Variants in GALC observed in about 807,000 individuals in gnomAD.
GALC encodes the protein galactocerebrosidase.
A neutral mutation model predicts 91.8 loss-of-function variants in GALC; 77 were observed. That is an observed-to-expected ratio of 0.84 (90% CI 0.70 to 1.01). The LOEUF is 1.01. Ranked by LOEUF, GALC falls within the 50% of genes least tolerant of loss-of-function variation. GALC has a pLI of 0.00. For synonymous variants in GALC, 357 were observed against 306.7 expected (o/e 1.16, Z -1.71); for missense variants, 882 against 855.9 (o/e 1.03, Z -0.38).
At chr14:87,947,631 G>T in intron 13 of GALC, 97 bp downstream of exon 13, 1 of 1,191,028 alleles carries the variant, frequency 8.4e-7, no homozygotes, top group South Asian at 1.2e-5. Flanking sequence ...ATGTGCTTTT[G>T]ACAGCCACTC....
intron 9 of GALC, among the ~76,000 whole-genome samples, chr14:87,964,594 T>C (rs1645193396): frequency 6.6e-6 from 1 of 152,172 alleles, no homozygotes; most frequent in African/African-American, 2.4e-5. Context: ...CATCCCTGCA[T>C]AATCTCAATT....
At chr14:87,955,278 T>C (rs1028800232) in intron 10 of GALC, 1 of 717,224 alleles carries the variant, frequency 1.4e-6, no homozygotes, top group Non-Finnish European at 2.5e-6. Context: ...AAATAAACGA[T>C]AGGGTTTTTG....
intron 12 of GALC, among the ~76,000 whole-genome samples, chr14:87,949,557 A>G (rs1000294367): frequency 2.6e-5 from 4 of 151,984 alleles, no homozygotes; most frequent in African/African-American, 9.7e-5. Flanking sequence ...GAGAATAAGG[A>G]GTGAGTAAGA....
In GALC at chr14:87,956,685, A is replaced by C. The variant is rs559711597; in HGVS notation, c.1162-5937T>G. Reference sequence around the variant, plus strand: ...CATCAGTTGATGGGCACTTAGGTTGATTCCATATGTTTCAATTGTGAATTG... The same window carrying C: ...CATCAGTTGATGGGCACTTAGGTTGCTTCCATATGTTTCAATTGTGAATTG... On this transcript the variant is annotated intron_variant, in intron 10 of 16. Transcript: ENST00000261304. Among the ~76,000 whole-genome samples, 19 of 151,696 alleles carry C rather than the reference A, an allele frequency of 1.3e-4. No individual in the cohort carries two copies. In the South Asian group the frequency reaches 3.7e-3, roughly 30 times the overall value.
chr14:87,970,166 A>T (rs1886226657), intron 7 of GALC, among the ~76,000 whole-genome samples: 1 of 152,148 alleles, frequency 6.6e-6, no homozygotes, highest in Non-Finnish European at 1.5e-5. Flanking sequence ...CAGCTTTGGT[A>T]CCTCAGCCAA....
At chr14:87,989,534 T>A (rs927674365) in intron 1 of GALC, 1 of 152,244 alleles carries the variant, frequency 6.6e-6, no homozygotes, top group African/African-American at 2.4e-5. Flanking sequence ...ACTTGCTGTC[T>A]CAGTAACCAA....
In GALC at chr14:87,992,377, C is replaced by T. The variant is rs1368637321; in HGVS notation, c.195+593G>A. ...TAGTTTCAGGCCGCTCGCTTATCTT[C>T]CTTTTAAAGAGACCTTGAGGCACCA... is the stretch of plus-strand genomic sequence containing the variant. On this transcript the variant is annotated intron_variant, in intron 1 of 16. Transcript: ENST00000261304. The T allele has an allele frequency of 2.6e-6, 4 of 1,535,600 alleles. No individual in the cohort carries two copies. The East Asian group carries it at 9.8e-5, about 38-fold the overall frequency.
At chr14:87,992,210 C>T in intron 1 of GALC, 1 of 1,363,722 alleles carries the variant, frequency 7.3e-7, no homozygotes, top group Non-Finnish European at 1.0e-6. Context: ...TCCAACTCAA[C>T]CCCAAAAATC....
Position 87,951,328 on chromosome 14 carries a change from C to T in GALC, c.1162-580G>A, listed in dbSNP as rs76504061. On this transcript the variant is annotated intron_variant, in intron 10 of 16. Coordinates refer to ENST00000261304, the MANE Select transcript of GALC (RefSeq NM_000153.4). ...ATAATCCCTACTTTAAGAGATTCCA[C>T]AGTCACAGAATACTTATAGTACACA... Among the ~76,000 whole-genome samples, 1,218 of 151,956 alleles carry T rather than the reference C, an allele frequency of 8.0e-3. 40 individuals carry two copies. The highest frequency in any genetic ancestry group is 0.053 in the Admixed American group (799 of 15,206).
upstream of GALC, chr14:87,993,188 G>A (rs370990058): frequency 8.9e-5 from 140 of 1,568,570 alleles, 1 homozygote; most frequent in African/African-American, 1.5e-3. Context: ...TGACTCCGGC[G>A]CCCAGGGAGG....
chr14:87,988,084 T>C, intron 3 of GALC, 60 bp downstream of exon 3: 1 of 1,241,572 alleles, frequency 8.1e-7, no homozygotes, highest in Non-Finnish European at 1.2e-6. Flanking sequence ...TCACAGTCCA[T>C]ATGCTGAGGT....
At chr14:87,974,990 C>T (rs940637377) in intron 7 of GALC, among the ~76,000 whole-genome samples, 1 of 152,024 alleles carries the variant, frequency 6.6e-6, no homozygotes, top group African/African-American at 2.4e-5. Flanking sequence ...ATTAACACAA[C>T]TTTGTTTTCC....
At chr14:87,993,608 G>T, upstream of GALC, 1 of 756,224 alleles carries the variant, frequency 1.3e-6, no homozygotes, top group South Asian at 1.7e-5. Context: ...TTTCCCTTAT[G>T]TGAGATGAGG....
intron 10 of GALC, chr14:87,954,263 TG>T: frequency 6.5e-7 from 1 of 1,536,252 alleles, no homozygotes; most frequent in East Asian, 2.3e-5. Flanking sequence ...ACCTTCAGCC[TG>T]ATGTATTAGT....
intron 15 of GALC, among the ~76,000 whole-genome samples, chr14:87,940,266 G>C (rs1055545946): frequency 6.6e-6 from 1 of 151,958 alleles, no homozygotes; most frequent in African/African-American, 2.4e-5. Flanking sequence ...ATAGTATGAG[G>C]TGTTAGCATC....
intron 6 of GALC, among the ~76,000 whole-genome samples, chr14:87,978,280 A>C (rs991047191): frequency 6.6e-6 from 1 of 151,788 alleles, no homozygotes; most frequent in Non-Finnish European, 1.5e-5. Context: ...CGAACTCCTG[A>C]CCTCAGGTGG....
chr14:87,941,974 G>C (rs1884875882), intron 14 of GALC, among the ~76,000 whole-genome samples: 1 of 113,970 alleles, frequency 8.8e-6, no homozygotes, highest in Non-Finnish European at 2.1e-5. Context: ...AGGCAATGAA[G>C]GCAATGCTAG....
At chr14:87,961,888 A>C (rs1299435878) in intron 10 of GALC, among the ~76,000 whole-genome samples, 1 of 152,068 alleles carries the variant, frequency 6.6e-6, no homozygotes, top group Non-Finnish European at 1.5e-5. Context: ...AACAAACAAA[A>C]ACCTCCTCAT....
chr14:87,989,941 G>A (rs1216713800), intron 1 of GALC, among the ~76,000 whole-genome samples: 1 of 152,046 alleles, frequency 6.6e-6, no homozygotes, highest in Non-Finnish European at 1.5e-5. Flanking sequence ...CTTCTACCTA[G>A]ATGTATCAAA....
Sources: gnomAD v4.1 joint callset for allele counts (sites outside exome capture counted in the v4.1 genomes callset) on GRCh38, gnomAD v4.1.1 for gene constraint, MANE v1.5 for transcripts, NCBI Gene and HGNC (gene_info 2026-07-23, HGNC 2026-07-21) for gene names.